The following ANKS1B variants were observed in gnomAD, a reference collection of about 807,000 sequenced individuals.
The protein encoded by ANKS1B is ankyrin repeat and sterile alpha motif domain containing 1B.
ANKS1B carries 36 observed loss-of-function variants against 148.3 expected under a neutral mutation model. The observed-to-expected ratio is 0.24, with a 90% CI of 0.19 to 0.32. The LOEUF (loss-of-function observed/expected upper bound fraction) is 0.32. Among genes scored for constraint, ANKS1B ranks in the 10% least tolerant of loss-of-function variants. The probability of loss-of-function intolerance (pLI) is 1.00; values close to 1 mark genes in which losing one functional copy is unlikely to be tolerated. For synonymous variants in ANKS1B, 542 were observed against 560.8 expected (o/e 0.97, Z 0.47); for missense variants, 1,157 against 1,542.6 (o/e 0.75, Z 4.19).
chr12:99,833,828 TC>T (rs1254065632), intron 1 of ANKS1B, among the ~76,000 whole-genome samples: 1 of 152,162 alleles, frequency 6.6e-6, no homozygotes. Context: ...CCAACTCAGT[TC>T]CCCATTATAC....
intron 10 of ANKS1B, among the ~76,000 whole-genome samples, chr12:99,488,097 T>C (rs2096517831): frequency 6.6e-6 from 1 of 152,186 alleles, no homozygotes; most frequent in Admixed American, 6.5e-5. Flanking sequence ...TTCCTCTTTA[T>C]CCTTTTTAAT....
intron 14 of ANKS1B, among the ~76,000 whole-genome samples, chr12:99,226,204 C>T (rs897878601): frequency 1.3e-5 from 2 of 152,190 alleles, no homozygotes; most frequent in Non-Finnish European, 2.9e-5. Context: ...TCTTGAGTAG[C>T]TTCCAGAGAA....
At chr12:98,986,040 T>G (rs967509018) in intron 17 of ANKS1B, among the ~76,000 whole-genome samples, 3 of 152,208 alleles carry the variant, frequency 2.0e-5, no homozygotes, top group Non-Finnish European at 2.9e-5. Context: ...TTTAGCACTT[T>G]AAAATGCTAT....
chr12:99,141,937 G>C (rs1325640494), intron 15 of ANKS1B, among the ~76,000 whole-genome samples: 1 of 151,940 alleles, frequency 6.6e-6, no homozygotes, highest in African/African-American at 2.4e-5. Flanking sequence ...TTCCCATGGA[G>C]CAAGCTTTTG....
At chr12:99,676,865 C>G (rs1192362974) in intron 8 of ANKS1B, among the ~76,000 whole-genome samples, 1 of 151,964 alleles carries the variant, frequency 6.6e-6, no homozygotes, top group Non-Finnish European at 1.5e-5. Flanking sequence ...GACTATTGTT[C>G]TATAAATGTT....
chr12:99,909,217 C>CATGTGTGT lies in ANKS1B; in HGVS notation c.134+74886_134+74887insACACACAT, dbSNP rs1399208524. 3.9e-4 allele frequency among the ~76,000 whole-genome samples: 54 copies of CATGTGTGT among 137,394 alleles called. 2 individuals carry two copies. The highest frequency in any genetic ancestry group is 1.5e-3 in the African/African-American group (54 of 36,764). The allele number at this position is 137,394 out of a possible 152,430, so 90.1% of individuals were successfully genotyped here. ...TTTTTAAGGCTGGACAATATTCCAT[C>CATGTGTGT]GTGTGTGTGTGTGTGTGTGTGTGTG... On this transcript the variant is annotated intron_variant, in intron 1 of 26. Coordinates refer to ENST00000683438, the MANE Select transcript of ANKS1B (RefSeq NM_001352186.2).
chr12:98,825,318 A>G (rs1312805999), intron 19 of ANKS1B, among the ~76,000 whole-genome samples: 1 of 152,214 alleles, frequency 6.6e-6, no homozygotes, highest in Non-Finnish European at 1.5e-5. Flanking sequence ...TCAAATAGAG[A>G]AGTAATTGAC....
At chr12:99,400,995 A>T (rs1244364524) in intron 11 of ANKS1B, among the ~76,000 whole-genome samples, 6 of 145,644 alleles carry the variant, frequency 4.1e-5, no homozygotes, top group African/African-American at 1.3e-4. Context: ...TAGGGTTTTT[A>T]AAAAAATATA....
chr12:98,748,236 CG>C (rs1277703281), intron 26 of ANKS1B, among the ~76,000 whole-genome samples: 1 of 151,960 alleles, frequency 6.6e-6, no homozygotes, highest in African/African-American at 2.4e-5. Flanking sequence ...GGAAAATGGT[CG>C]TTGAGGGGTT....
At position 99,631,216 on chromosome 12, in the gene ANKS1B, C is replaced by T. The variant is rs187940981; in HGVS notation, c.1272+23851G>A. On this transcript the variant is annotated intron_variant, in intron 9 of 26. Coordinates refer to ENST00000683438, the MANE Select transcript of ANKS1B (RefSeq NM_001352186.2). ...CAAACTTATCCAATCTTGGACTTCT[C>T]AGCCTCCAGAACCATAAAATACAAA... Among the ~76,000 whole-genome samples, 4 of 152,258 alleles carry T rather than the reference C, an allele frequency of 2.6e-5. No individual in the cohort carries two copies. The East Asian group carries it at 7.7e-4, about 29-fold the overall frequency.
chr12:99,541,720 T>A (rs1326775985), intron 9 of ANKS1B, among the ~76,000 whole-genome samples: 1 of 152,036 alleles, frequency 6.6e-6, no homozygotes, highest in Non-Finnish European at 1.5e-5. Context: ...CTGGGTGTGG[T>A]GGCAGACACC....
rs1284314169 is a variant in ANKS1B at position 99,399,645 on chromosome 12, C to T, written c.1742G>A (p.Gly581Glu). Residue 581 changes from glycine (G) to glutamate (E), a missense_variant, in exon 12 of 27, where the codon GGA (glycine) becomes GAA (glutamate). This residue lies in a region of ANKS1B where 661 missense variants were observed against 642.1 expected (regional missense o/e 1.03). Transcript: ENST00000683438. The part of the protein sequence containing the change: ...SVGTTEVKNE[G>E]TNHTDDLSRQ... ...AACTGCTTTACCTGTATGGTTAGTT[C>T]CCTCATTCTTGACTTCTGTGGTTCC... The T allele has an allele frequency of 1.2e-6, 2 of 1,613,188 alleles. No homozygotes were observed. The highest frequency in any genetic ancestry group is 2.2e-5 in the East Asian group (1 of 44,860).
chr12:98,790,384 T>G (rs1487750063), intron 22 of ANKS1B, among the ~76,000 whole-genome samples: 1 of 152,236 alleles, frequency 6.6e-6, no homozygotes, highest in African/African-American at 2.4e-5. Context: ...TAAACGGGTA[T>G]GTTAATATAG....
At chr12:98,990,893 C>T (rs1468119392) in intron 17 of ANKS1B, among the ~76,000 whole-genome samples, 2 of 141,348 alleles carry the variant, frequency 1.4e-5, no homozygotes, top group Non-Finnish European at 1.5e-5. Flanking sequence ...CATGGCATGA[C>T]CCAATTGAGA....
intron 15 of ANKS1B, among the ~76,000 whole-genome samples, chr12:99,136,178 C>A (rs955050335): frequency 1.3e-5 from 2 of 152,110 alleles, no homozygotes; most frequent in Admixed American, 6.5e-5. Flanking sequence ...TGGGTGTAAC[C>A]ATCATTATCA....
At chr12:98,889,368 A>G (rs1476307301) in intron 17 of ANKS1B, among the ~76,000 whole-genome samples, 1 of 149,860 alleles carries the variant, frequency 6.7e-6, no homozygotes, top group Non-Finnish European at 1.5e-5. Context: ...TTTTTTTGAG[A>G]CAGTGTTTCA....
intron 8 of ANKS1B, among the ~76,000 whole-genome samples, chr12:99,738,933 A>T (rs1484661050): frequency 1.3e-5 from 2 of 152,098 alleles, no homozygotes; most frequent in East Asian, 3.9e-4. Flanking sequence ...ATACCAACTC[A>T]CTGTGTCCTT....
intron 1 of ANKS1B, among the ~76,000 whole-genome samples, chr12:99,919,091 G>A (rs999750045): frequency 2.0e-5 from 3 of 152,102 alleles, no homozygotes; most frequent in Non-Finnish European, 2.9e-5. Flanking sequence ...CCTTCAGCTG[G>A]CCCTATGCTT....
chr12:99,058,778 C>G (rs1289686125), intron 16 of ANKS1B, among the ~76,000 whole-genome samples: 1 of 124,082 alleles, frequency 8.1e-6, no homozygotes, highest in South Asian at 2.7e-4. Flanking sequence ...CGCTCTGTCG[C>G]CCAGGCTGGA....
Sources: gnomAD v4.1 joint callset for allele counts (sites outside exome capture counted in the v4.1 genomes callset) on GRCh38, gnomAD v4.1.1 for gene constraint, gnomAD v4.1.1 regional missense constraint, MANE v1.5 for transcripts, NCBI Gene and HGNC (gene_info 2026-07-23, HGNC 2026-07-21) for gene names.